PCSK5: variants seen among roughly 807,000 people sequenced by gnomAD.
PCSK5 encodes the protein prohormone convertase 5.
Under a neutral mutation model 233.2 loss-of-function variants are expected in PCSK5, and 129 were observed. The ratio of observed to expected loss-of-function variants is 0.55; its 90% confidence interval spans 0.48 to 0.64. The LOEUF is 0.64. Among genes scored for constraint, PCSK5 ranks in the 30% least tolerant of loss-of-function variants. PCSK5 has a pLI of 0.00. For missense variants in PCSK5, 2,076 were observed against 2,430.1 expected, an observed-to-expected ratio of 0.85 and a Z score of 3.06; for synonymous variants, 825 against 879.2, an observed-to-expected ratio of 0.94 and a Z score of 1.09.
chr9:76,197,375 G>A (rs960972465), intron 20 of PCSK5, among the ~76,000 whole-genome samples: 2 of 152,102 alleles, frequency 1.3e-5, no homozygotes, highest in Non-Finnish European at 2.9e-5. Context: ...ATTTTCCGCT[G>A]AATAAGCTAC....
At chr9:76,009,913 C>T (rs528167787) in intron 3 of PCSK5, among the ~76,000 whole-genome samples, 5 of 152,270 alleles carry the variant, frequency 3.3e-5, no homozygotes, top group African/African-American at 7.2e-5. Flanking sequence ...ACTGTCTCCT[C>T]GTCCTAGGGA....
chr9:76,053,213 C>T (rs1829696442), intron 5 of PCSK5, among the ~76,000 whole-genome samples: 1 of 152,170 alleles, frequency 6.6e-6, no homozygotes, highest in Non-Finnish European at 1.5e-5. Context: ...ACGCAGTGCC[C>T]CAGTAGGGAC....
chr9:76,231,955 T>C (rs1298318575), intron 21 of PCSK5, among the ~76,000 whole-genome samples: 1 of 150,750 alleles, frequency 6.6e-6, no homozygotes, highest in Non-Finnish European at 1.5e-5. Context: ...TCTCTTAGGT[T>C]GTCGGCTTGA....
intron 1 of PCSK5, among the ~76,000 whole-genome samples, chr9:75,906,783 T>C (rs959519369): frequency 1.2e-4 from 19 of 152,252 alleles, no homozygotes; most frequent in Non-Finnish European, 7.3e-5. Context: ...GGATTCCTTC[T>C]CTGGGCTTTT....
At chr9:75,974,815 C>CA (rs1279187492) in intron 2 of PCSK5, among the ~76,000 whole-genome samples, 4 of 152,264 alleles carry the variant, frequency 2.6e-5, no homozygotes, top group African/African-American at 9.6e-5. Context: ...ATTTTGAACT[C>CA]ATTTTAGGAT....
intron 28 of PCSK5, among the ~76,000 whole-genome samples, chr9:76,302,777 A>G (rs1467804764): frequency 6.6e-6 from 1 of 152,198 alleles, no homozygotes; most frequent in Non-Finnish European, 1.5e-5. Flanking sequence ...GCTTGTATGA[A>G]AAAGGGTGGA....
intron 6 of PCSK5, among the ~76,000 whole-genome samples, chr9:76,069,457 TA>T (rs5898446): frequency 0.94 from 136,706 of 145,382 alleles, 64,314 homozygotes; most frequent in East Asian, 0.99. Context: ...GAACCTTATT[TA>T]AAAAAAAAAA....
chr9:76,035,541 T>C (rs1205087412), intron 5 of PCSK5, among the ~76,000 whole-genome samples: 1 of 152,192 alleles, frequency 6.6e-6, no homozygotes, highest in Non-Finnish European at 1.5e-5. Context: ...GGTATGAGTG[T>C]AATTTGTGCT....
chr9:75,947,991 A>T (rs949276364), intron 2 of PCSK5, among the ~76,000 whole-genome samples: 1 of 152,148 alleles, frequency 6.6e-6, no homozygotes. Flanking sequence ...ACAGGCACGT[A>T]CTACCATGCC....
intron 10 of PCSK5, among the ~76,000 whole-genome samples, chr9:76,145,726 C>G (rs1469345958): frequency 6.6e-6 from 1 of 152,100 alleles, no homozygotes; most frequent in Non-Finnish European, 1.5e-5. Context: ...AGTTGAGGAT[C>G]AATAAGAGGG....
In PCSK5 at chr9:76,328,030, C is replaced by T. The variant is rs61744763; in HGVS notation, c.4361C>T (p.Thr1454Ile). The T allele has an allele frequency of 5.3e-3, 8,516 of 1,612,070 alleles. 35 individuals carry two copies. The highest frequency in any genetic ancestry group is 6.6e-3 in the Non-Finnish European group (7,810 of 1,179,128). ...ECRDCHKSCL[T>I]CSSSGTCTTC... ...ACAGATTGCCACAAGTCCTGCTTGACCTGCTCATCATCTGGGACCTGCACC... is the reference window on the plus strand; with the variant it reads ...ACAGATTGCCACAAGTCCTGCTTGATCTGCTCATCATCTGGGACCTGCACC... Residue 1454 changes from threonine to isoleucine, a missense_variant, in exon 33 of 38, where the codon ACC becomes ATC. Transcript: ENST00000674117.
rs187200609 is a variant in PCSK5 at position 76,072,222 on chromosome 9, T to C, written c.894+324T>C. On this transcript the variant is annotated intron_variant, in intron 7 of 37. Coordinates refer to ENST00000674117, the MANE Select transcript of PCSK5 (RefSeq NM_001372043.1). ...AGGACTGTGAAATTGAGTGAAGATA[T>C]TTAACACTCTCCAGGTAGCGTGAAT... 2.0e-5 allele frequency among the ~76,000 whole-genome samples: 3 copies of C among 152,332 alleles called. No homozygotes were observed. In the East Asian group the frequency reaches 5.8e-4, roughly 29 times the overall value.
chr9:76,346,639 C>T (rs1829989698), intron 35 of PCSK5, among the ~76,000 whole-genome samples: 1 of 151,948 alleles, frequency 6.6e-6, no homozygotes, highest in Admixed American at 6.6e-5. Flanking sequence ...TTTACTATAG[C>T]ACATATGTCC....
chr9:76,071,961 T>A lies in PCSK5; in HGVS notation c.894+63T>A, dbSNP rs534824055. ...TGGGTGATGATTCTCATATGAAGAA[T>A]CTATGGGTTTCCAGCTGCAGTCTAG... On this transcript the variant is annotated intron_variant, in intron 7 of 37. Transcript: ENST00000674117. 4.1e-6 allele frequency: 6 copies of A among 1,468,910 alleles called. No homozygotes were observed. In the Middle Eastern group the frequency reaches 5.4e-4, roughly 133 times the overall value. The allele number at this position is 1,468,910 out of a possible 1,614,324, so 91.0% of individuals were successfully genotyped here.
intron 5 of PCSK5, among the ~76,000 whole-genome samples, chr9:76,047,229 T>C (rs1829450111): frequency 6.6e-6 from 1 of 152,002 alleles, no homozygotes; most frequent in Non-Finnish European, 1.5e-5. Context: ...CCCGAGTAGC[T>C]GGGACTACAG....
At chr9:76,300,721 CTG>C (rs1225113816) in intron 27 of PCSK5, among the ~76,000 whole-genome samples, 3 of 152,190 alleles carry the variant, frequency 2.0e-5, no homozygotes, top group African/African-American at 7.2e-5. Flanking sequence ...AATCCCAGCT[CTG>C]TGTTTTGCTA....
chr9:76,000,793 C>T (rs571601494), intron 3 of PCSK5, among the ~76,000 whole-genome samples: 2 of 152,286 alleles, frequency 1.3e-5, no homozygotes, highest in South Asian at 4.1e-4. Context: ...TTCAAGTTGA[C>T]TTCTAGGTCC....
At chr9:76,086,727 C>A (rs1831078090) in intron 7 of PCSK5, among the ~76,000 whole-genome samples, 1 of 152,124 alleles carries the variant, frequency 6.6e-6, no homozygotes, top group African/African-American at 2.4e-5. Flanking sequence ...GAAATCAGCA[C>A]TGGATGAGGC....
chr9:76,214,200 G>T lies in PCSK5; in HGVS notation c.2627-13303G>T, dbSNP rs114591989. 2.9e-3 allele frequency among the ~76,000 whole-genome samples: 444 copies of T among 152,068 alleles called. 4 individuals carry two copies. The highest frequency in any genetic ancestry group is 0.01 in the African/African-American group (433 of 41,482). On this transcript the variant is annotated intron_variant, in intron 20 of 37. Coordinates refer to ENST00000674117, the MANE Select transcript of PCSK5 (RefSeq NM_001372043.1). ...AGTGAGCCTTCTTCCAACACTCCACGCCCCATGCAAGAAAATGGTAGGCAA... is the reference window on the plus strand; with the variant it reads ...AGTGAGCCTTCTTCCAACACTCCACTCCCCATGCAAGAAAATGGTAGGCAA...
Sources: gnomAD v4.1 joint callset for allele counts (sites outside exome capture counted in the v4.1 genomes callset) on GRCh38, gnomAD v4.1.1 for gene constraint, MANE v1.5 for transcripts, NCBI Gene and HGNC (gene_info 2026-07-23, HGNC 2026-07-21) for gene names.